The following MARK2 variants were observed in gnomAD, a reference collection of about 807,000 sequenced individuals.
MARK2 encodes the protein microtubule affinity regulating kinase 2, also known as serine/threonine-protein kinase MARK2.
MARK2 carries 16 observed loss-of-function variants against 89.8 expected under a neutral mutation model. The observed-to-expected ratio is 0.18, with a 90% confidence interval of 0.12 to 0.27. The LOEUF is 0.27. Among genes scored for constraint, MARK2 ranks in the 10% least tolerant of loss-of-function variants. The probability of loss-of-function intolerance (pLI) is 1.00; values close to 1 mark genes in which losing one functional copy is unlikely to be tolerated. For missense variants in MARK2, 621 were observed against 1,049.9 expected (o/e 0.59, Z 5.65); for synonymous variants, 382 against 399.5 (o/e 0.96, Z 0.52).
At chr11:63,847,063 C>T (rs2016322856) in intron 1 of MARK2, among the ~76,000 whole-genome samples, 1 of 152,176 alleles carries the variant, frequency 6.6e-6, no homozygotes, top group Admixed American at 6.5e-5. Flanking sequence ...GTTGAGGCTG[C>T]AGTGAGCTGT....
intron 3 of MARK2, among the ~76,000 whole-genome samples, chr11:63,896,510 G>A (rs1381015750): frequency 6.6e-6 from 1 of 152,248 alleles, no homozygotes; most frequent in Non-Finnish European, 1.5e-5. Flanking sequence ...TATTGTGGCA[G>A]TTGAGTTAGG....
chr11:63,869,276 A>G, intron 1 of MARK2: 1 of 152,118 alleles, frequency 6.6e-6, no homozygotes, highest in Admixed American at 6.8e-5. Context: ...TTGCCAACTC[A>G]GTTTCTCTTC....
chr11:63,901,422 G>GTGTGT, intron 11 of MARK2, among the ~76,000 whole-genome samples: 2 of 139,696 alleles, frequency 1.4e-5, no homozygotes, highest in African/African-American at 5.4e-5. Context: ...TACATTTCTG[G>GTGTGT]GTGTGTGTGT....
intron 1 of MARK2, among the ~76,000 whole-genome samples, chr11:63,872,909 CCACCCT>C (rs892583450): frequency 4.9e-5 from 7 of 141,732 alleles, no homozygotes; most frequent in African/African-American, 1.8e-4. Flanking sequence ...ACCCCCACCC[CCACCCT>C]GCCAGGCAAA....
intron 1 of MARK2, among the ~76,000 whole-genome samples, chr11:63,870,524 A>G: frequency 1.3e-5 from 2 of 152,062 alleles, no homozygotes; most frequent in Non-Finnish European, 2.9e-5. Flanking sequence ...GTGGTGAGTT[A>G]GGAAAGCATT....
rs1319315245 is a variant in MARK2, at chr11:63,900,410, T to A, written c.769-149T>A. 3 of 928,258 alleles carry A rather than the reference T, an allele frequency of 3.2e-6. No individual in the cohort carries two copies. Among genetic ancestry groups the A allele is most frequent in the Non-Finnish European group, 4.9e-6 (3 of 607,026 alleles). The allele number at this position is 928,258 out of a possible 1,614,324, so 57.5% of individuals were successfully genotyped here. A position where few individuals can be genotyped will look rare whatever the true frequency, so the allele number is the denominator to read the frequency against. On this transcript the variant is annotated intron_variant, in intron 8 of 18. Coordinates refer to ENST00000402010, the MANE Select transcript of MARK2 (RefSeq NM_001039469.3). This position sits in a 1 kb window ranked among gnomAD's most constrained non-coding sequence, Gnocchi z 4.7. Reference sequence around the variant, plus strand: ...TATTTGACTTCACTTGCCTCTCTGGTGAGGTGTCTTGTCCCCAGGCTGTCT... The same window carrying A: ...TATTTGACTTCACTTGCCTCTCTGGAGAGGTGTCTTGTCCCCAGGCTGTCT...
rs140950433 is a variant in MARK2 at position 63,902,744 on chromosome 11, G to A, written c.1378G>A (p.Gly460Ser). 2.2e-5 allele frequency: 36 copies of A among 1,613,572 alleles called. No homozygotes were observed. Among genetic ancestry groups the A allele is most frequent in the African/African-American group, 1.6e-4 (12 of 75,012 alleles). ...TAKVPASPLP[G>S]LERKKTTPTP... is the part of the protein sequence containing the mutation. Reference sequence around the variant, plus strand: ...CAAGGTGCCTGCCAGCCCCCTGCCCGGTCTGGAGAGGAAGAAGACCACCCC... The same window carrying A: ...CAAGGTGCCTGCCAGCCCCCTGCCCAGTCTGGAGAGGAAGAAGACCACCCC... The change falls in exon 13 of 19, where the codon GGT (glycine) becomes AGT (serine). Residue 460 changes from glycine (G) to serine (S), a missense_variant. By Grantham distance (56) the Gly-to-Ser change is moderately conservative (BLOSUM62 0). Around this residue, in one of 5 missense-constraint regions of MARK2, gnomAD observed 397 missense variants for 567.8 expected, o/e 0.70. Transcript: ENST00000402010. The surrounding 1 kb of genome is among the most constrained non-coding windows in gnomAD (Gnocchi z 4.2).
intron 1 of MARK2, among the ~76,000 whole-genome samples, chr11:63,885,245 G>A (rs934906360): frequency 2.8e-4 from 43 of 152,112 alleles, no homozygotes; most frequent in Non-Finnish European, 5.9e-5. Context: ...TTTCTTAAGA[G>A]ACAAAGTCTT....
intron 5 of MARK2, 35 bp from the exon 6 acceptor site, chr11:63,898,728 A>G (rs1290037405): frequency 6.2e-7 from 1 of 1,612,370 alleles, no homozygotes; most frequent in Middle Eastern, 1.7e-4. Context: ...ACCTCCAGCC[A>G]GCTCTGACTG....
At position 63,910,537 on chromosome 11, in the gene MARK2, T is replaced by C. The variant is rs1337198897; in HGVS notation, c.*1300T>C. On this transcript the variant is annotated 3_prime_UTR_variant, in exon 19 of 19. Coordinates refer to ENST00000402010, the MANE Select transcript of MARK2 (RefSeq NM_001039469.3). ...CACTGCATCCCTTAATTTATTTCTCTGCTGTTTCTGTTCTTGAGAAATTGG... is the reference window on the plus strand; with the variant it reads ...CACTGCATCCCTTAATTTATTTCTCCGCTGTTTCTGTTCTTGAGAAATTGG... The C allele has an allele frequency of 6.6e-6, 1 of 152,240 alleles. No individual in the cohort carries two copies. The highest frequency in any genetic ancestry group is 2.4e-5 in the African/African-American group (1 of 41,442). 9.4% of individuals were successfully genotyped at this position (152,240 alleles called of 1,614,324 possible).
chr11:63,897,176 G>A (rs924304948), intron 3 of MARK2, among the ~76,000 whole-genome samples: 2 of 152,190 alleles, frequency 1.3e-5, no homozygotes, highest in African/African-American at 4.8e-5. Context: ...CAGGTGAGCA[G>A]CCTCAGGGGA....
At chr11:63,869,153 G>A (rs1938304352) in intron 1 of MARK2, 1 of 287,192 alleles carries the variant, frequency 3.5e-6, no homozygotes, top group Non-Finnish European at 7.0e-6. Flanking sequence ...TGTGTGGGGT[G>A]GTGGAAATAA....
chr11:63,845,053 C>T (rs533767840), intron 1 of MARK2, among the ~76,000 whole-genome samples: 1 of 152,194 alleles, frequency 6.6e-6, no homozygotes, highest in Non-Finnish European at 1.5e-5. Context: ...AATGGACTCC[C>T]CCCAGCAGCA....
chr11:63,862,966 T>C (rs1856873090), intron 1 of MARK2, among the ~76,000 whole-genome samples: 1 of 152,188 alleles, frequency 6.6e-6, no homozygotes, highest in South Asian at 2.1e-4. Context: ...CTTACAACCG[T>C]CTGTGTGCCA....
At chr11:63,890,330 C>CT in intron 1 of MARK2, 1 of 1,284,862 alleles carries the variant, frequency 7.8e-7, no homozygotes, top group Non-Finnish European at 1.0e-6. Flanking sequence ...TTGGAGTCCT[C>CT]TGAGTTGGAT....
Position 63,900,240 on chromosome 11 carries a change from G to T in MARK2, c.768+130G>T. On this transcript the variant is annotated intron_variant, in intron 8 of 18. Transcript: ENST00000402010. This position sits in a 1 kb window ranked among gnomAD's most constrained non-coding sequence, Gnocchi z 4.7. ...AAGCTTCAGAGAAGGGCTTGCTGAG[G>T]TAGCAGCAGTCAAAGGCCTTCTGCA... The T allele has an allele frequency of 1.3e-6, 1 of 754,716 alleles. No individual in the cohort carries two copies. The highest frequency in any genetic ancestry group is 2.3e-6 in the Non-Finnish European group (1 of 441,648). 46.8% of individuals were successfully genotyped at this position (754,716 alleles called of 1,614,324 possible).
chr11:63,901,473 CTTTTT>C (rs35231498), intron 11 of MARK2, among the ~76,000 whole-genome samples: 1 of 57,696 alleles, frequency 1.7e-5, no homozygotes, highest in Non-Finnish European at 2.8e-5. Context: ...GAGTCTGTTG[CTTTTT>C]TTTTTTTTTT....
In MARK2 at chr11:63,910,312, C is replaced by T. The variant is rs1941669650; in HGVS notation, c.*1075C>T. Reference sequence around the variant, plus strand: ...CACCACTCTCATCTCTCAGCCTTGCCTTTTCTTCCTGACACTGTCGCCCCC... The same window carrying T: ...CACCACTCTCATCTCTCAGCCTTGCTTTTTCTTCCTGACACTGTCGCCCCC... On this transcript the variant is annotated 3_prime_UTR_variant, in exon 19 of 19. Transcript: ENST00000402010. 2 of 152,424 alleles carry T rather than the reference C, an allele frequency of 1.3e-5. No homozygotes were observed. The highest frequency in any genetic ancestry group is 4.1e-4 in the South Asian group (2 of 4,838). The allele number at this position is 152,424 out of a possible 1,614,324, so 9.4% of individuals were successfully genotyped here.
intron 3 of MARK2, among the ~76,000 whole-genome samples, chr11:63,897,756 G>C (rs1437660619): frequency 6.6e-6 from 1 of 151,892 alleles, no homozygotes; most frequent in Non-Finnish European, 1.5e-5. Flanking sequence ...AGGAAGGAAA[G>C]GCCTATCCCC....
Sources: gnomAD v4.1 joint callset for allele counts (sites outside exome capture counted in the v4.1 genomes callset) on GRCh38, gnomAD v4.1.1 for gene constraint, gnomAD v4.1.1 regional missense constraint, Gnocchi (gnomAD v3.1) non-coding constraint, MANE v1.5 for transcripts, NCBI Gene and HGNC (gene_info 2026-07-23, HGNC 2026-07-21) for gene names.